L3MBTL4: variants seen among roughly 807,000 people sequenced by gnomAD.
L3MBTL4 encodes L3MBTL histone methyl-lysine binding protein 4.
A neutral mutation model predicts 84.5 loss-of-function variants in L3MBTL4; 70 were observed. The ratio of observed to expected loss-of-function variants is 0.83; its 90% confidence interval spans 0.68 to 1.01. The LOEUF (loss-of-function observed/expected upper bound fraction) is 1.01, where lower values mean the gene tolerates loss of function less well. Ranked by LOEUF, L3MBTL4 falls within the 50% of genes least tolerant of loss-of-function variation. L3MBTL4 has a pLI of 0.00. For synonymous variants in L3MBTL4, 274 were observed against 259.8 expected (o/e 1.05, Z -0.52); for missense variants, 715 against 754.8 (o/e 0.95, Z 0.62).
intron 13 of L3MBTL4, among the ~76,000 whole-genome samples, chr18:6,155,030 ACT>A (rs1316750536): frequency 6.6e-6 from 1 of 152,204 alleles, no homozygotes; most frequent in Non-Finnish European, 1.5e-5. Context: ...TATTTCTTTT[ACT>A]CTGTTTTATA....
chr18:6,114,882 G>A (rs1027735700), intron 14 of L3MBTL4, among the ~76,000 whole-genome samples: 2 of 151,416 alleles, frequency 1.3e-5, no homozygotes, highest in African/African-American at 4.9e-5. Context: ...TGCAACGGTG[G>A]TGCAGGTTCA....
chr18:5,990,666 C>T (rs1398951740), intron 16 of L3MBTL4, among the ~76,000 whole-genome samples: 2 of 152,254 alleles, frequency 1.3e-5, no homozygotes, highest in African/African-American at 2.4e-5. Context: ...TATAAAACAT[C>T]ATCTAGACTT....
chr18:5,994,068 C>T (rs1375360286), intron 16 of L3MBTL4, among the ~76,000 whole-genome samples: 2 of 152,190 alleles, frequency 1.3e-5, no homozygotes, highest in Admixed American at 6.5e-5. Flanking sequence ...GCCCCTTTCT[C>T]TTCCAGGAAC....
intron 14 of L3MBTL4, among the ~76,000 whole-genome samples, chr18:6,126,128 T>C (rs1034416018): frequency 6.6e-5 from 10 of 152,310 alleles, no homozygotes; most frequent in East Asian, 1.9e-4. Context: ...TATGTATATA[T>C]GTGGAAAAAA....
intron 5 of L3MBTL4, among the ~76,000 whole-genome samples, chr18:6,250,191 T>G (rs2047861850): frequency 6.6e-6 from 1 of 152,194 alleles, no homozygotes; most frequent in Admixed American, 6.5e-5. Context: ...AAAAGAAACA[T>G]TATTCAAAGT....
At chr18:6,105,855 T>C (rs948920753) in intron 14 of L3MBTL4, among the ~76,000 whole-genome samples, 14 of 148,038 alleles carry the variant, frequency 9.5e-5, no homozygotes, top group African/African-American at 3.5e-4. Context: ...AATATATGAA[T>C]AGATATTTTC....
chr18:6,307,937 G>C (rs2050663878), intron 3 of L3MBTL4, among the ~76,000 whole-genome samples: 2 of 152,080 alleles, frequency 1.3e-5, no homozygotes, highest in Admixed American at 1.3e-4. Flanking sequence ...GCATTTTGAT[G>C]TAGGAAATTT....
intron 5 of L3MBTL4, among the ~76,000 whole-genome samples, chr18:6,254,572 C>T (rs1021570765): frequency 2.0e-5 from 3 of 152,076 alleles, no homozygotes; most frequent in Admixed American, 6.5e-5. Context: ...AGACTACTTC[C>T]TTGTTATTTT....
intron 16 of L3MBTL4, among the ~76,000 whole-genome samples, chr18:5,979,481 C>T (rs2053111582): frequency 6.6e-6 from 1 of 152,222 alleles, no homozygotes; most frequent in Non-Finnish European, 1.5e-5. Context: ...GCTTTATTCA[C>T]TCCAAGTGAC....
chr18:6,290,839 C>T (rs1370244202), intron 4 of L3MBTL4, among the ~76,000 whole-genome samples: 1 of 152,128 alleles, frequency 6.6e-6, no homozygotes, highest in Non-Finnish European at 1.5e-5. Flanking sequence ...GCTGCAAGTT[C>T]TTATTATCTA....
intron 1 of L3MBTL4, among the ~76,000 whole-genome samples, chr18:6,387,483 A>C (rs1488713688): frequency 6.6e-6 from 1 of 152,188 alleles, no homozygotes; most frequent in East Asian, 1.9e-4. Flanking sequence ...ACAAAAGTGC[A>C]TTTATGGGAG....
intron 1 of L3MBTL4, among the ~76,000 whole-genome samples, chr18:6,339,944 A>T (rs1051176716): frequency 6.6e-6 from 1 of 152,158 alleles, no homozygotes; most frequent in Non-Finnish European, 1.5e-5. Context: ...ATCTTTCTAT[A>T]AAGAAATCTC....
intron 1 of L3MBTL4, chr18:6,395,263 T>G (rs1176297943): frequency 1.3e-5 from 2 of 152,194 alleles, no homozygotes; most frequent in African/African-American, 4.8e-5. Flanking sequence ...ACCTTCAATA[T>G]GGGCAAATGA....
intron 4 of L3MBTL4, among the ~76,000 whole-genome samples, chr18:6,298,701 C>T (rs1051886074): frequency 1.3e-5 from 2 of 152,072 alleles, no homozygotes; most frequent in African/African-American, 4.8e-5. Context: ...GGTGAAACCC[C>T]ATCTCTACTA....
intron 16 of L3MBTL4, among the ~76,000 whole-genome samples, chr18:5,984,497 C>G (rs1324284316): frequency 6.6e-6 from 1 of 152,076 alleles, no homozygotes; most frequent in East Asian, 1.9e-4. Context: ...AATAGAAATC[C>G]AAAGAAAATG....
chr18:6,307,859 A>G (rs1428122916), intron 3 of L3MBTL4, among the ~76,000 whole-genome samples: 1 of 152,224 alleles, frequency 6.6e-6, no homozygotes, highest in Admixed American at 6.5e-5. Context: ...CACAGAGATC[A>G]TATATTTCAT....
intron 14 of L3MBTL4, among the ~76,000 whole-genome samples, chr18:6,094,752 C>G (rs2058575341): frequency 6.6e-6 from 1 of 151,944 alleles, no homozygotes; most frequent in Admixed American, 6.6e-5. Flanking sequence ...TAAAAATAAA[C>G]TGGATCTTCT....
intron 13 of L3MBTL4, among the ~76,000 whole-genome samples, chr18:6,154,778 A>T (rs879202428): frequency 6.6e-6 from 1 of 152,124 alleles, no homozygotes; most frequent in South Asian, 2.1e-4. Context: ...TTTAGACCCT[A>T]ATCCTAGAAT....
At chr18:6,217,270 G>A (rs956500511) in intron 10 of L3MBTL4, among the ~76,000 whole-genome samples, 3 of 151,882 alleles carry the variant, frequency 2.0e-5, no homozygotes, top group Non-Finnish European at 2.9e-5. Flanking sequence ...CCCCATCATC[G>A]TCCCTTCTAG....
Sources: allele counts gnomAD v4.1 joint callset (sites outside exome capture counted in the v4.1 genomes callset), GRCh38; gene constraint gnomAD v4.1.1; transcripts MANE v1.5; gene names NCBI Gene and HGNC (gene_info 2026-07-23, HGNC 2026-07-21).